Variants in RAD51B observed in about 807,000 individuals in gnomAD.
RAD51B encodes RAD51 paralog B.
A neutral mutation model predicts 42.2 loss-of-function variants in RAD51B; 38 were observed. The ratio of observed to expected loss-of-function variants is 0.90; its 90% CI spans 0.70 to 1.18. RAD51B has a LOEUF of 1.18. Ranked by LOEUF, RAD51B falls within the 50% of genes most tolerant of loss-of-function variation. The pLI is 0.00. For missense variants in RAD51B, 373 were observed against 400.7 expected (o/e 0.93, Z 0.59); for synonymous variants, 154 against 145.2 (o/e 1.06, Z -0.43).
In RAD51B at chr14:68,633,875, T is replaced by C. The variant is rs115064581; in HGVS notation, c.1037-16906T>C. Among the ~76,000 whole-genome samples the C allele has an allele frequency of 3.2e-3, 484 of 152,326 alleles. 3 individuals are homozygous for C. Among genetic ancestry groups the C allele is most frequent in the African/African-American group, 0.011 (439 of 41,578 alleles). ...AGTGGGCTTGGATTGTTCCAGCAAG[T>C]GAGGTATGAGACCACAGCTCAGGCT... On this transcript the variant is annotated intron_variant, in intron 10 of 11. Coordinates refer to the RAD51B transcript ENST00000488612.
At chr14:68,568,551 C>T (rs1218223142) in intron 10 of RAD51B, among the ~76,000 whole-genome samples, 1 of 152,204 alleles carries the variant, frequency 6.6e-6, no homozygotes, top group Non-Finnish European at 1.5e-5. Flanking sequence ...TCCTGGCCAT[C>T]CCTTGCTCTT....
Position 68,505,630 on chromosome 14 carries a change from A to C in RAD51B, c.1036+37380A>C, listed in dbSNP as rs181532828. 4.1e-3 allele frequency among the ~76,000 whole-genome samples: 595 copies of C among 145,312 alleles called. 7 individuals carry two copies. Among genetic ancestry groups the C allele is most frequent in the African/African-American group, 0.015 (567 of 38,580 alleles). ...CAGTGGCATGATCTCGGCTCACTGC[A>C]ACCTCTACCTCTCTGGTTCAAGCAA... On this transcript the variant is annotated intron_variant, in intron 10 of 10. Coordinates refer to the RAD51B transcript ENST00000487270.
At chr14:68,120,966 C>T (rs1224823468) in intron 7 of RAD51B, among the ~76,000 whole-genome samples, 1 of 152,092 alleles carries the variant, frequency 6.6e-6, no homozygotes, top group Non-Finnish European at 1.5e-5. Context: ...GTGTGATGTA[C>T]TAGTCTTCTG....
downstream of RAD51B, among the ~76,000 whole-genome samples, chr14:68,614,447 C>G (rs938843025): frequency 6.6e-6 from 1 of 152,090 alleles, no homozygotes; most frequent in Non-Finnish European, 1.5e-5. Flanking sequence ...GCAATTATCA[C>G]CATTATCTAG....
At chr14:68,047,703 C>A (rs1012034376) in intron 7 of RAD51B, among the ~76,000 whole-genome samples, 2 of 152,166 alleles carry the variant, frequency 1.3e-5, no homozygotes, top group Non-Finnish European at 2.9e-5. Flanking sequence ...CTCTTCTCAG[C>A]ACTATGAGGG....
chr14:68,395,117 G>A (rs2083877019), intron 8 of RAD51B, among the ~76,000 whole-genome samples: 1 of 152,038 alleles, frequency 6.6e-6, no homozygotes, highest in African/African-American at 2.4e-5. Context: ...CACCTCTCTG[G>A]ACAATGTTGC....
At chr14:67,833,641 G>C (rs758320260) in intron 3 of RAD51B, among the ~76,000 whole-genome samples, 16 of 152,166 alleles carry the variant, frequency 1.1e-4, no homozygotes, top group Admixed American at 2.0e-4. Context: ...GATGATGTGA[G>C]ATTTCACCAT....
chr14:67,926,935 G>A (rs1407447135), intron 7 of RAD51B, among the ~76,000 whole-genome samples: 1 of 152,134 alleles, frequency 6.6e-6, no homozygotes, highest in Non-Finnish European at 1.5e-5. Context: ...AGATCCTGAG[G>A]TCAGGGATAA....
At chr14:67,948,569 C>G (rs1412683081) in intron 7 of RAD51B, among the ~76,000 whole-genome samples, 1 of 151,732 alleles carries the variant, frequency 6.6e-6, no homozygotes, top group Non-Finnish European at 1.5e-5. Flanking sequence ...TTTGGTTTCC[C>G]AATTCATATA....
At chr14:68,266,328 T>A (rs551459283) in intron 7 of RAD51B, among the ~76,000 whole-genome samples, 1 of 152,314 alleles carries the variant, frequency 6.6e-6, no homozygotes, top group African/African-American at 2.4e-5. Flanking sequence ...CATACAGAAG[T>A]ATGATTGGAG....
intron 7 of RAD51B, among the ~76,000 whole-genome samples, chr14:68,162,571 G>A (rs143930338): frequency 9.3e-4 from 141 of 152,280 alleles, no homozygotes; most frequent in Middle Eastern, 3.4e-3. Context: ...GAATCATGAG[G>A]TCAGGAGATC....
chr14:68,570,072 T>C (rs1041463831), intron 10 of RAD51B, among the ~76,000 whole-genome samples: 3 of 152,242 alleles, frequency 2.0e-5, no homozygotes, highest in Non-Finnish European at 4.4e-5. Context: ...CGGACATTGT[T>C]TTCTTTCCCC....
intron 7 of RAD51B, among the ~76,000 whole-genome samples, chr14:68,263,389 C>T (rs984777674): frequency 2.0e-5 from 3 of 152,144 alleles, no homozygotes; most frequent in African/African-American, 7.2e-5. Context: ...GGGAAATCAC[C>T]ACATATAAGG....
At chr14:68,248,957 G>A (rs1369889931) in intron 7 of RAD51B, among the ~76,000 whole-genome samples, 2 of 152,252 alleles carry the variant, frequency 1.3e-5, no homozygotes, top group African/African-American at 2.4e-5. Context: ...GGGTCTGGGG[G>A]TAAGGCACCT....
chr14:67,868,141 G>T (rs1487352319), intron 5 of RAD51B, among the ~76,000 whole-genome samples: 1 of 152,348 alleles, frequency 6.6e-6, no homozygotes, highest in South Asian at 2.1e-4. Flanking sequence ...CGACGCAGAA[G>T]ATGGGTGATT....
At chr14:68,206,283 G>A (rs2079583243) in intron 7 of RAD51B, among the ~76,000 whole-genome samples, 2 of 152,100 alleles carry the variant, frequency 1.3e-5, no homozygotes, top group South Asian at 4.1e-4. Flanking sequence ...TGATCTCCAG[G>A]TCAAGGCATT....
At chr14:68,252,131 G>A (rs933103632) in intron 7 of RAD51B, among the ~76,000 whole-genome samples, 7 of 152,190 alleles carry the variant, frequency 4.6e-5, no homozygotes, top group Non-Finnish European at 8.8e-5. Flanking sequence ...CAGCCTGCAG[G>A]AGTTGAGTAT....
chr14:68,144,206 T>C (rs1005365501), intron 7 of RAD51B, among the ~76,000 whole-genome samples: 1 of 152,222 alleles, frequency 6.6e-6, no homozygotes, highest in Non-Finnish European at 1.5e-5. Flanking sequence ...TCTTGGTCAT[T>C]TGCTGTCTGT....
chr14:68,057,797 A>G (rs1287694918), intron 7 of RAD51B, among the ~76,000 whole-genome samples: 2 of 147,522 alleles, frequency 1.4e-5, no homozygotes, highest in Non-Finnish European at 3.0e-5. Context: ...ATCAAGTTCA[A>G]TGTGACTGTA....
Sources: gnomAD v4.1 joint callset for allele counts (sites outside exome capture counted in the v4.1 genomes callset) on GRCh38, gnomAD v4.1.1 for gene constraint, MANE v1.5 for transcripts, NCBI Gene and HGNC (gene_info 2026-07-23, HGNC 2026-07-21) for gene names.